Variants in IQCM observed in about 807,000 individuals in gnomAD.
The protein encoded by IQCM is IQ motif containing M, also known as IQ domain-containing protein M.
A neutral mutation model predicts 57.6 loss-of-function variants in IQCM; 45 were observed. The ratio of observed to expected loss-of-function variants is 0.78; its 90% CI spans 0.62 to 1.00. The LOEUF is 1.00. Among genes scored for constraint, IQCM ranks in the 50% least tolerant of loss-of-function variants. The pLI is 0.00. For synonymous variants in IQCM, 148 were observed against 158.9 expected, an observed-to-expected ratio of 0.93 and a Z score of 0.51; for missense variants, 468 against 511.6, an observed-to-expected ratio of 0.91 and a Z score of 0.82.
intron 2 of IQCM, among the ~76,000 whole-genome samples, chr4:149,789,781 G>A (rs1772415457): frequency 6.6e-6 from 1 of 151,942 alleles, no homozygotes; most frequent in Admixed American, 6.6e-5. Flanking sequence ...ACACGCCTGT[G>A]GTCCCAGATA....
intron 12 of IQCM, among the ~76,000 whole-genome samples, chr4:149,486,136 ATGAC>A (rs1255246081): frequency 6.6e-6 from 1 of 150,378 alleles, no homozygotes; most frequent in East Asian, 2.0e-4. Flanking sequence ...CACTACCACT[ATGAC>A]TGTGCTGAGT....
intron 12 of IQCM, among the ~76,000 whole-genome samples, chr4:149,537,862 C>A (rs1011041372): frequency 3.3e-5 from 5 of 151,532 alleles, no homozygotes; most frequent in Admixed American, 3.3e-4. Context: ...AATTCTATAT[C>A]CAGCAAAAAT....
At chr4:149,592,939 G>T (rs1185292646) in intron 8 of IQCM, among the ~76,000 whole-genome samples, 4 of 152,124 alleles carry the variant, frequency 2.6e-5, no homozygotes, top group Non-Finnish European at 5.9e-5. Context: ...TGGCTATGTG[G>T]GCTCTTTTTT....
chr4:149,382,380 C>A (rs1003454114), intron 13 of IQCM, among the ~76,000 whole-genome samples: 3 of 152,104 alleles, frequency 2.0e-5, no homozygotes, highest in Admixed American at 1.3e-4. Context: ...TATTTAGATT[C>A]TGCATCTGTG....
intron 12 of IQCM, chr4:149,514,484 C>T (rs1162731206): frequency 6.6e-6 from 1 of 152,108 alleles, no homozygotes; most frequent in African/African-American, 2.4e-5. Flanking sequence ...GTGAAACAAA[C>T]AATGACTATC....
At chr4:149,401,745 T>C (rs945714639) in intron 13 of IQCM, among the ~76,000 whole-genome samples, 1 of 151,760 alleles carries the variant, frequency 6.6e-6, no homozygotes, top group African/African-American at 2.4e-5. Flanking sequence ...AGTATAATAA[T>C]TTTAGAGTAA....
chr4:149,535,783 TA>T lies in IQCM; in HGVS notation c.1228+12671del, dbSNP rs999046626. On this transcript the variant is annotated intron_variant, in intron 12 of 13. Transcript: ENST00000636793. The stretch of plus-strand genomic sequence containing the variant: ...AAAAATACAGAATGGCAAATTAGAG[TA>T]ACTTACTAATTGGAGTAACAACTCA... Among the ~76,000 whole-genome samples, 58 of 151,952 alleles carry T rather than the reference TA, an allele frequency of 3.8e-4. 1 individual carries two copies. The highest frequency in any genetic ancestry group is 1.4e-3 in the African/African-American group (58 of 41,486).
intron 13 of IQCM, among the ~76,000 whole-genome samples, chr4:149,393,540 T>C (rs977631383): frequency 6.6e-6 from 1 of 151,912 alleles, no homozygotes; most frequent in African/African-American, 2.4e-5. Context: ...AAATTCAAGA[T>C]TCTCAAATCC....
At chr4:149,435,687 T>G (rs565085754) in intron 12 of IQCM, among the ~76,000 whole-genome samples, 29 of 152,036 alleles carry the variant, frequency 1.9e-4, no homozygotes, top group African/African-American at 7.0e-4. Context: ...CCCTGAAGAT[T>G]TTACAGTGGG....
chr4:149,656,255 A>C (rs775314297), intron 7 of IQCM, among the ~76,000 whole-genome samples: 6 of 152,146 alleles, frequency 3.9e-5, no homozygotes, highest in Non-Finnish European at 8.8e-5. Flanking sequence ...CTACACTTCA[A>C]TTAATGTTTT....
intron 13 of IQCM, among the ~76,000 whole-genome samples, chr4:149,365,183 A>T (rs1210946140): frequency 2.0e-5 from 3 of 152,072 alleles, no homozygotes; most frequent in African/African-American, 7.2e-5. Context: ...GCAATACAAG[A>T]CGTGCCTGCA....
chr4:149,647,355 C>T (rs185646556), intron 7 of IQCM, among the ~76,000 whole-genome samples: 85 of 150,292 alleles, frequency 5.7e-4, no homozygotes, highest in African/African-American at 2.0e-3. Flanking sequence ...TTTTTTTATT[C>T]TAAAGTACAG....
At chr4:149,429,925 T>C in intron 13 of IQCM, 1 of 1,054,366 alleles carries the variant, frequency 9.5e-7, no homozygotes, top group Non-Finnish European at 1.2e-6. Flanking sequence ...GTAATGCCAC[T>C]TGCATATTTC....
intron 5 of IQCM, among the ~76,000 whole-genome samples, chr4:149,711,666 G>T (rs933801227): frequency 1.3e-5 from 2 of 150,836 alleles, no homozygotes; most frequent in Admixed American, 1.3e-4. Context: ...GCACATTTTT[G>T]AACTTTCATA....
intron 12 of IQCM, among the ~76,000 whole-genome samples, chr4:149,473,077 A>T (rs946054762): frequency 1.6e-4 from 25 of 152,306 alleles, no homozygotes; most frequent in Admixed American, 9.8e-4. Context: ...GGACTTCATG[A>T]CTAAAACACC....
chr4:149,516,963 A>G (rs1361684922), intron 12 of IQCM, among the ~76,000 whole-genome samples: 1 of 152,084 alleles, frequency 6.6e-6, no homozygotes, highest in Non-Finnish European at 1.5e-5. Flanking sequence ...GGTAAGTAAG[A>G]GTATGCATGG....
At chr4:149,569,336 A>G (rs1231740143) in intron 9 of IQCM, among the ~76,000 whole-genome samples, 1 of 152,174 alleles carries the variant, frequency 6.6e-6, no homozygotes, top group Admixed American at 6.5e-5. Context: ...ATTATCTGTC[A>G]AGTCGTGACA....
intron 9 of IQCM, among the ~76,000 whole-genome samples, chr4:149,577,043 G>A (rs1221585666): frequency 6.6e-6 from 1 of 151,694 alleles, no homozygotes; most frequent in Non-Finnish European, 1.5e-5. Flanking sequence ...TCATTTTGGG[G>A]AAAATGTCTG....
At chr4:149,554,478 G>A (rs1456434397) in intron 10 of IQCM, among the ~76,000 whole-genome samples, 1 of 151,718 alleles carries the variant, frequency 6.6e-6, no homozygotes, top group Non-Finnish European at 1.5e-5. Context: ...CATCATGACC[G>A]GCTAATTTCT....
Sources: allele counts gnomAD v4.1 joint callset (sites outside exome capture counted in the v4.1 genomes callset), GRCh38; gene constraint gnomAD v4.1.1; transcripts MANE v1.5; gene names NCBI Gene and HGNC (gene_info 2026-07-23, HGNC 2026-07-21).